The following BBX variants were observed in gnomAD, a reference collection of about 807,000 sequenced individuals.
BBX encodes the protein BBX high mobility group box domain containing.
Under a neutral mutation model 100.2 loss-of-function variants are expected in BBX, and 30 were observed. The observed-to-expected ratio is 0.30, with a 90% CI of 0.22 to 0.41. The LOEUF is 0.41. Among genes scored for constraint, BBX ranks in the 10% least tolerant of loss-of-function variants. BBX has a pLI of 1.00. For synonymous variants in BBX, 376 were observed against 388.1 expected (o/e 0.97, Z 0.37); for missense variants, 1,023 against 1,129.8 (o/e 0.91, Z 1.35).
chr3:107,622,209 AT>A (rs2055828625), intron 2 of BBX, among the ~76,000 whole-genome samples: 1 of 152,138 alleles, frequency 6.6e-6, no homozygotes, highest in Non-Finnish European at 1.5e-5. Flanking sequence ...ACCTTTTGAG[AT>A]CGCCTTCTTT....
At chr3:107,776,998 T>C (rs1204607666) in intron 12 of BBX, among the ~76,000 whole-genome samples, 1 of 152,192 alleles carries the variant, frequency 6.6e-6, no homozygotes, top group Non-Finnish European at 1.5e-5. Context: ...CCCTTAGCCA[T>C]ATTTTTGCTT....
At chr3:107,697,551 C>T (rs578126059) in intron 3 of BBX, among the ~76,000 whole-genome samples, 5 of 151,896 alleles carry the variant, frequency 3.3e-5, no homozygotes, top group African/African-American at 9.7e-5. Context: ...GCAGTCTGCC[C>T]GTTCTCAGAT....
At chr3:107,550,584 AAC>A (rs2049586487) in intron 2 of BBX, among the ~76,000 whole-genome samples, 1 of 152,212 alleles carries the variant, frequency 6.6e-6, no homozygotes, top group African/African-American at 2.4e-5. Context: ...TGGGAAGTAC[AAC>A]AGAGTTTAGG....
At chr3:107,569,306 C>T (rs1270183147) in intron 2 of BBX, among the ~76,000 whole-genome samples, 1 of 152,152 alleles carries the variant, frequency 6.6e-6, no homozygotes, top group African/African-American at 2.4e-5. Context: ...TCAAACTTAC[C>T]ACGTTAACAG....
intron 8 of BBX, 127 bp downstream of exon 8, chr3:107,744,837 T>C: frequency 1.4e-6 from 1 of 730,674 alleles, no homozygotes; most frequent in Non-Finnish European, 2.3e-6. Context: ...GAAAATAGAA[T>C]CAAATTTTGG....
At chr3:107,638,279 T>C (rs1339625360) in intron 2 of BBX, among the ~76,000 whole-genome samples, 2 of 152,144 alleles carry the variant, frequency 1.3e-5, no homozygotes, top group African/African-American at 4.8e-5. Context: ...GATCTCAAAC[T>C]CCTGAGTTCA....
chr3:107,733,965 C>A (rs1226613681), intron 7 of BBX, among the ~76,000 whole-genome samples: 1 of 152,122 alleles, frequency 6.6e-6, no homozygotes, highest in East Asian at 1.9e-4. Flanking sequence ...TTGAATTAAC[C>A]TACAGGTCAT....
At chr3:107,630,942 G>A (rs924606741) in intron 2 of BBX, among the ~76,000 whole-genome samples, 4 of 152,148 alleles carry the variant, frequency 2.6e-5, no homozygotes, top group Admixed American at 6.5e-5. Context: ...TCAGCCCATG[G>A]GCCCCTGATT....
chr3:107,562,153 C>T (rs557217), intron 2 of BBX, among the ~76,000 whole-genome samples: 14,692 of 123,206 alleles, frequency 0.12, 835 homozygotes, highest in Non-Finnish European at 0.17. Context: ...TGGATTCTCA[C>T]ACGTTGAAAT....
chr3:107,671,418 T>C (rs998551823), intron 3 of BBX, among the ~76,000 whole-genome samples: 1 of 152,068 alleles, frequency 6.6e-6, no homozygotes, highest in African/African-American at 2.4e-5. Context: ...TAGAGCTCAG[T>C]ATTTCTTTTG....
intron 3 of BBX, among the ~76,000 whole-genome samples, chr3:107,678,334 G>A (rs147723149): frequency 1.2e-3 from 186 of 152,058 alleles, no homozygotes; most frequent in African/African-American, 4.1e-3. Context: ...AAGCAGCATA[G>A]GTCAACCTAG....
At chr3:107,764,332 G>A (rs1437276223) in intron 10 of BBX, among the ~76,000 whole-genome samples, 1 of 152,174 alleles carries the variant, frequency 6.6e-6, no homozygotes, top group African/African-American at 2.4e-5. Context: ...CTTTCCTTGT[G>A]CGAATCAGAA....
chr3:107,574,004 C>T (rs1000052545), intron 2 of BBX, among the ~76,000 whole-genome samples: 3 of 152,208 alleles, frequency 2.0e-5, no homozygotes, highest in African/African-American at 4.8e-5. Flanking sequence ...GGATTACAGG[C>T]GTGAGCCACC....
chr3:107,787,242 G>A (rs1346868625), intron 13 of BBX, among the ~76,000 whole-genome samples: 1 of 152,060 alleles, frequency 6.6e-6, no homozygotes, highest in Non-Finnish European at 1.5e-5. Context: ...TGATCTACCC[G>A]CTTTGGCCCC....
At chr3:107,606,213 G>T (rs1367689033) in intron 2 of BBX, among the ~76,000 whole-genome samples, 2 of 152,162 alleles carry the variant, frequency 1.3e-5, no homozygotes, top group Non-Finnish European at 2.9e-5. Flanking sequence ...GAGAAATAAT[G>T]TTCACAACAA....
chr3:107,690,434 T>C (rs1576349064), intron 3 of BBX, among the ~76,000 whole-genome samples: 1 of 152,180 alleles, frequency 6.6e-6, no homozygotes. Flanking sequence ...AGAAATGGAC[T>C]AAATTAATGA....
chr3:107,778,227 G>T, intron 12 of BBX, 144 bp from the exon 13 acceptor site: 1 of 896,556 alleles, frequency 1.1e-6, no homozygotes, highest in East Asian at 2.6e-5. Context: ...TTTCAGAAAA[G>T]GTGTTTTTTT....
At chr3:107,535,879 G>C (rs150223390) in intron 2 of BBX, among the ~76,000 whole-genome samples, 1 of 152,236 alleles carries the variant, frequency 6.6e-6, no homozygotes, top group East Asian at 1.9e-4. Flanking sequence ...GATTATAGGC[G>C]TGAGCCACCA....
At chr3:107,779,643 T>C (rs2067669340) in intron 13 of BBX, among the ~76,000 whole-genome samples, 1 of 152,172 alleles carries the variant, frequency 6.6e-6, no homozygotes. Context: ...GTATTTTAAA[T>C]AGACCAATTA....
Sources: allele counts gnomAD v4.1 joint callset (sites outside exome capture counted in the v4.1 genomes callset), GRCh38; gene constraint gnomAD v4.1.1; transcripts MANE v1.5; gene names NCBI Gene and HGNC (gene_info 2026-07-23, HGNC 2026-07-21).